ECSIT: variants seen among roughly 807,000 people sequenced by gnomAD.
ECSIT encodes evolutionarily conserved signaling intermediate in Toll pathway, mitochondrial.
Under a neutral mutation model 36.8 loss-of-function variants are expected in ECSIT, and 29 were observed. The ratio of observed to expected loss-of-function variants is 0.79; its 90% CI spans 0.59 to 1.08. The LOEUF (loss-of-function observed/expected upper bound fraction) is 1.08, where lower values mean the gene tolerates loss of function less well. Ranked by LOEUF, ECSIT falls within the 50% of genes least tolerant of loss-of-function variation. The pLI is 0.00. For missense variants in ECSIT, 542 were observed against 581.0 expected (o/e 0.93, Z 0.69); for synonymous variants, 231 against 234.8 (o/e 0.98, Z 0.15).
chr19:11,523,540 C>T, intron 1 of ECSIT: 1 of 1,077,068 alleles, frequency 9.3e-7, no homozygotes, highest in Non-Finnish European at 1.4e-6. Flanking sequence ...CACGTGGAAT[C>T]TGTGAAGCTG....
At chr19:11,509,791 G>A (rs368899423) in intron 4 of ECSIT, among the ~76,000 whole-genome samples, 2 of 151,912 alleles carry the variant, frequency 1.3e-5, no homozygotes, top group East Asian at 3.9e-4. Flanking sequence ...AAAAATTTGA[G>A]ATGGATCAGT....
intron 5 of ECSIT, 43 bp from the exon 6 acceptor site, chr19:11,507,893 G>A (rs780074844): frequency 1.4e-5 from 22 of 1,613,764 alleles, no homozygotes; most frequent in African/African-American, 1.2e-4. Context: ...CAAGGGACTC[G>A]GCCCAGAGGC....
intron 1 of ECSIT, chr19:11,522,550 TAAA>T (rs76681732): frequency 3.8e-4 from 214 of 569,206 alleles, no homozygotes; most frequent in East Asian, 6.2e-4. Context: ...AACGCCCCGG[TAAA>T]AAAAAAAAAA....
At chr19:11,515,872 T>C (rs1282972940) in intron 2 of ECSIT, among the ~76,000 whole-genome samples, 1 of 152,132 alleles carries the variant, frequency 6.6e-6, no homozygotes, top group Non-Finnish European at 1.5e-5. Context: ...GACCTTGTGA[T>C]CCGCCCACCT....
chr19:11,523,765 T>G (rs550856931), intron 1 of ECSIT: 2 of 676,718 alleles, frequency 3.0e-6, no homozygotes, highest in Non-Finnish European at 5.5e-6. Context: ...GTGTAGTAGT[T>G]AAGGACTATG....
In ECSIT at chr19:11,519,259, G is replaced by A. The variant is rs549316867; in HGVS notation, c.-23-66C>T. The A allele has an allele frequency of 2.2e-4, 238 of 1,094,312 alleles. 1 individual carries two copies. Among genetic ancestry groups the A allele is most frequent in the African/African-American group, 3.6e-4 (23 of 64,602 alleles). The allele number at this position is 1,094,312 out of a possible 1,614,324, so 67.8% of individuals were successfully genotyped here. A position where few individuals can be genotyped will look rare whatever the true frequency, so the allele number is the denominator to read the frequency against. Reference sequence around the variant, plus strand: ...AGATGCTAACAGACGCAAGGGCCCCGCAGGGTCGAGGGCACACTCCAGATT... The same window carrying A: ...AGATGCTAACAGACGCAAGGGCCCCACAGGGTCGAGGGCACACTCCAGATT... On this transcript the variant is annotated intron_variant, in intron 1 of 7. Coordinates refer to ENST00000270517, the MANE Select transcript of ECSIT (RefSeq NM_016581.5). The surrounding 1 kb of genome is among the most constrained non-coding windows in gnomAD (Gnocchi z 4.4).
chr19:11,507,712 G>A lies in ECSIT; in HGVS notation c.935C>T (p.Pro312Leu), dbSNP rs868352048. 8 of 1,613,938 alleles carry A rather than the reference G, an allele frequency of 5.0e-6. No individual in the cohort carries two copies. The highest frequency in any genetic ancestry group is 2.7e-5 in the African/African-American group (2 of 74,918). ...YHILRADLLP[P>L]EEREVEETPE... ...GCTTTAAGCCCTCACCCTCTCCTCCGGGGGCAGCAAGTCAGCTCTGAGGAT... is the reference window on the plus strand; with the variant it reads ...GCTTTAAGCCCTCACCCTCTCCTCCAGGGGCAGCAAGTCAGCTCTGAGGAT... The change falls in exon 6 of 8, where the codon CCG becomes CTG. Residue 312 changes from proline (P) to leucine (L), a missense_variant. Pro to Leu is a moderately conservative substitution (Grantham distance 98). Transcript: ENST00000270517.
At chr19:11,526,522 C>T (rs1972218589) in intron 1 of ECSIT, among the ~76,000 whole-genome samples, 1 of 152,162 alleles carries the variant, frequency 6.6e-6, no homozygotes, top group Non-Finnish European at 1.5e-5. Flanking sequence ...ACCTAGGAGA[C>T]ATTTCTGAGT....
chr19:11,524,502 T>A (rs1972172630), intron 1 of ECSIT, among the ~76,000 whole-genome samples: 1 of 151,784 alleles, frequency 6.6e-6, no homozygotes, highest in South Asian at 2.1e-4. Flanking sequence ...CCAGTCTGGA[T>A]GACACAGCAA....
intron 4 of ECSIT, among the ~76,000 whole-genome samples, chr19:11,509,693 G>T (rs1057091576): frequency 6.6e-6 from 1 of 151,394 alleles, no homozygotes; most frequent in African/African-American, 2.4e-5. Context: ...GCTTGAACCT[G>T]GGAGGAGGAG....
chr19:11,522,614 T>C (rs976444181), intron 1 of ECSIT: 3 of 549,120 alleles, frequency 5.5e-6, no homozygotes, highest in African/African-American at 3.9e-5. Context: ...CTCAGGAGGC[T>C]GAGGTGGGAG....
At chr19:11,515,290 A>T (rs1449856235) in intron 2 of ECSIT, among the ~76,000 whole-genome samples, 1 of 146,914 alleles carries the variant, frequency 6.8e-6, no homozygotes, top group African/African-American at 2.5e-5. Flanking sequence ...TTTTTAGTAG[A>T]GACGGGGTTT....
At chr19:11,516,333 A>G (rs1031034555) in intron 2 of ECSIT, 1 of 152,216 alleles carries the variant, frequency 6.6e-6, no homozygotes, top group African/African-American at 2.4e-5. Context: ...TAGATGACAC[A>G]GTAACAAATT....
At chr19:11,516,650 C>A (rs1972003634) in intron 2 of ECSIT, among the ~76,000 whole-genome samples, 1 of 150,984 alleles carries the variant, frequency 6.6e-6, no homozygotes, top group Middle Eastern at 3.4e-3. Context: ...AAAACCTTAT[C>A]TCTAAAAAAT....
intron 5 of ECSIT, 23 bp from the exon 6 acceptor site, chr19:11,507,873 C>T (rs757590649): frequency 2.2e-5 from 35 of 1,613,854 alleles, no homozygotes; most frequent in Non-Finnish European, 2.3e-5. Flanking sequence ...CATACATGCC[C>T]TGTGCCCTGC....
At position 11,505,938 on chromosome 19, in the gene ECSIT, C is replaced by A; in HGVS notation, c.*246G>T. ...GAATGGAAACTGCGCATGCGCACAACCAACAGCGCTCCCGCCCCTTTTTAT... is the reference window on the plus strand; with the variant it reads ...GAATGGAAACTGCGCATGCGCACAAACAACAGCGCTCCCGCCCCTTTTTAT... On this transcript the variant is annotated 3_prime_UTR_variant, in exon 8 of 8. Transcript: ENST00000270517. The A allele has an allele frequency of 2.2e-6, 2 of 894,530 alleles. No homozygotes were observed. Among genetic ancestry groups the A allele is most frequent in the Non-Finnish European group, 3.2e-6 (2 of 619,378 alleles). The allele number at this position is 894,530 out of a possible 1,614,324, so 55.4% of individuals were successfully genotyped here. A position where few individuals can be genotyped will look rare whatever the true frequency, so the allele number is the denominator to read the frequency against.
intron 1 of ECSIT, among the ~76,000 whole-genome samples, chr19:11,524,147 T>C (rs1415795052): frequency 6.6e-6 from 1 of 151,894 alleles, no homozygotes; most frequent in Non-Finnish European, 1.5e-5. Flanking sequence ...CTCAAACTCC[T>C]GGGCTCAAGC....
intron 1 of ECSIT, chr19:11,522,543 G>C (rs1012243118): frequency 1.4e-6 from 1 of 720,876 alleles, no homozygotes; most frequent in Non-Finnish European, 2.3e-6. Flanking sequence ...ACTCAGGAAC[G>C]CCCCGGTAAA....
rs1277446806 is a variant in ECSIT, at chr19:11,506,151, G to A, written c.*33C>T. On this transcript the variant is annotated 3_prime_UTR_variant, in exon 8 of 8. Coordinates refer to ENST00000270517, the MANE Select transcript of ECSIT (RefSeq NM_016581.5). ...CATGCCTTCAGTCCACCGCCTCCTC[G>A]GGCCACAGCCCGTGCCCTCGCGCCG... is the stretch of plus-strand genomic sequence containing the variant. The A allele has an allele frequency of 6.3e-7, 1 of 1,597,610 alleles. No individual in the cohort carries two copies. Among genetic ancestry groups the A allele is most frequent in the Non-Finnish European group, 8.5e-7 (1 of 1,177,666 alleles).
Sources: gnomAD v4.1 joint callset for allele counts (sites outside exome capture counted in the v4.1 genomes callset) on GRCh38, gnomAD v4.1.1 for gene constraint, Gnocchi (gnomAD v3.1) non-coding constraint, MANE v1.5 for transcripts, NCBI Gene and HGNC (gene_info 2026-07-23, HGNC 2026-07-21) for gene names.